Variants in ALK observed in about 807,000 individuals in gnomAD.
ALK encodes ALK tyrosine kinase receptor.
In ALK, 74 loss-of-function variants were observed where a neutral mutation model predicts 163.1. The observed-to-expected ratio is 0.45, with a 90% CI of 0.38 to 0.55. The LOEUF (loss-of-function observed/expected upper bound fraction) is 0.55. Ranked by LOEUF, ALK falls within the 20% of genes least tolerant of loss-of-function variation. The probability of loss-of-function intolerance (pLI) is 0.00; values close to 1 mark genes in which losing one functional copy is unlikely to be tolerated. For synonymous variants in ALK, 960 were observed against 843.2 expected, an observed-to-expected ratio of 1.14 and a Z score of -2.40; for missense variants, 2,063 against 2,105.3, an observed-to-expected ratio of 0.98 and a Z score of 0.39.
At chr2:29,308,835 G>C (rs900472912) in intron 8 of ALK, among the ~76,000 whole-genome samples, 1 of 151,726 alleles carries the variant, frequency 6.6e-6, no homozygotes, top group African/African-American at 2.4e-5. Context: ...CTTTGTTAGA[G>C]ATAAACAGTT....
chr2:29,297,393 A>G (rs1666224309), intron 8 of ALK, among the ~76,000 whole-genome samples: 3 of 152,234 alleles, frequency 2.0e-5, no homozygotes, highest in African/African-American at 7.2e-5. Flanking sequence ...GTAGTAAATG[A>G]ACTTCCTAAA....
chr2:29,702,388 A>G (rs886388628), intron 2 of ALK, among the ~76,000 whole-genome samples: 11 of 152,222 alleles, frequency 7.2e-5, no homozygotes, highest in African/African-American at 2.4e-4. Flanking sequence ...GGGGCAGGAC[A>G]GGAGCCAGAG....
intron 5 of ALK, among the ~76,000 whole-genome samples, chr2:29,369,420 G>A (rs1391031958): frequency 2.0e-5 from 3 of 152,258 alleles, no homozygotes; most frequent in African/African-American, 7.2e-5. Flanking sequence ...GATCATCAGA[G>A]GATCTTTGCT....
At chr2:29,914,706 A>G (rs1205203250) in intron 1 of ALK, among the ~76,000 whole-genome samples, 14 of 152,228 alleles carry the variant, frequency 9.2e-5, no homozygotes. Flanking sequence ...GAATTTTTCC[A>G]AGCCCTGGCT....
chr2:29,423,365 A>T (rs1670064257), intron 4 of ALK, among the ~76,000 whole-genome samples: 1 of 152,224 alleles, frequency 6.6e-6, no homozygotes, highest in Non-Finnish European at 1.5e-5. Context: ...TTTCCACCAC[A>T]TTGCATTGAC....
chr2:29,594,965 A>C (rs1675168250), intron 3 of ALK, among the ~76,000 whole-genome samples: 1 of 151,650 alleles, frequency 6.6e-6, no homozygotes, highest in South Asian at 2.1e-4. Context: ...AAAAGGAAGG[A>C]ACAGAAGGAA....
intron 4 of ALK, among the ~76,000 whole-genome samples, chr2:29,524,258 T>G (rs1324133828): frequency 6.6e-6 from 1 of 152,186 alleles, no homozygotes; most frequent in Non-Finnish European, 1.5e-5. Context: ...TAAAAAGGTG[T>G]GCAACCCAAA....
chr2:29,277,485 A>G (rs1665577877), intron 9 of ALK, among the ~76,000 whole-genome samples: 1 of 152,266 alleles, frequency 6.6e-6, no homozygotes, highest in Non-Finnish European at 1.5e-5. Context: ...GCTTTCAACC[A>G]TCTTGTGAGA....
intron 26 of ALK, among the ~76,000 whole-genome samples, chr2:29,201,797 AAT>A (rs1669187907): frequency 6.6e-6 from 1 of 151,054 alleles, no homozygotes; most frequent in South Asian, 2.1e-4. Context: ...AAAAAAAAAA[AAT>A]CTTGAATCTG....
chr2:29,500,840 C>CA lies in ALK; in HGVS notation c.1154+31074dup, dbSNP rs1261902045. ...AGGCTTTCTGGGATCCTTGCATACACAGGGGCTCTGGTCTCAGCTGGATCT... is the reference window on the plus strand; with the variant it reads ...AGGCTTTCTGGGATCCTTGCATACACAAGGGGCTCTGGTCTCAGCTGGATCT... On this transcript the variant is annotated intron_variant, in intron 4 of 28. Transcript: ENST00000389048. Among the ~76,000 whole-genome samples the CA allele has an allele frequency of 2.6e-5, 4 of 152,312 alleles. No individual in the cohort carries two copies. In the East Asian group the frequency reaches 7.7e-4, roughly 29 times the overall value.
chr2:29,670,052 G>A lies in ALK; in HGVS notation c.952+24798C>T, dbSNP rs576400531. 1.3e-3 allele frequency among the ~76,000 whole-genome samples: 194 copies of A among 152,092 alleles called. 1 individual carries two copies. Among genetic ancestry groups the A allele is most frequent in the Non-Finnish European group, 1.9e-3 (126 of 67,954 alleles). ...TATTAGAGTTATAAGTGAATTGCAC[G>A]CCATAATTACAATACAGTATTATGG... On this transcript the variant is annotated intron_variant, in intron 3 of 28. Transcript: ENST00000389048.
chr2:29,836,332 T>C (rs182310364), intron 1 of ALK, among the ~76,000 whole-genome samples: 226 of 152,308 alleles, frequency 1.5e-3, no homozygotes, highest in African/African-American at 5.2e-3. Flanking sequence ...AACTACCTCT[T>C]GCTCATACTA....
At chr2:29,266,501 T>G (rs1370324173) in intron 11 of ALK, among the ~76,000 whole-genome samples, 1 of 152,264 alleles carries the variant, frequency 6.6e-6, no homozygotes, top group Admixed American at 6.5e-5. Flanking sequence ...ATAATAATGT[T>G]AATTACAATG....
At chr2:29,873,111 T>C (rs1175226902) in intron 1 of ALK, among the ~76,000 whole-genome samples, 1 of 152,216 alleles carries the variant, frequency 6.6e-6, no homozygotes, top group African/African-American at 2.4e-5. Context: ...ACTGGTGGTA[T>C]CCACCCTGGG....
chr2:29,204,986 C>A (rs908635095), intron 26 of ALK, among the ~76,000 whole-genome samples: 9 of 152,122 alleles, frequency 5.9e-5, no homozygotes, highest in East Asian at 1.9e-4. Flanking sequence ...CCCCTCTGAC[C>A]CAGCCCTGTA....
chr2:29,480,572 A>G (rs11680438), intron 4 of ALK, among the ~76,000 whole-genome samples: 10,690 of 152,000 alleles, frequency 0.07, 522 homozygotes, highest in Non-Finnish European at 0.11. Flanking sequence ...TCTGCTTTTT[A>G]TTGCCCCGTT....
intron 26 of ALK, among the ~76,000 whole-genome samples, chr2:29,205,340 G>A (rs1669284405): frequency 6.6e-6 from 1 of 152,174 alleles, no homozygotes; most frequent in Non-Finnish European, 1.5e-5. Context: ...AGAAAGTTCT[G>A]TGTAACACAT....
At chr2:29,766,030 C>CTA (rs1420827020) in intron 1 of ALK, among the ~76,000 whole-genome samples, 1 of 152,182 alleles carries the variant, frequency 6.6e-6, no homozygotes, top group East Asian at 1.9e-4. Flanking sequence ...GTAACACACT[C>CTA]TTTAAAGTCT....
chr2:29,261,886 C>T (rs925540442), intron 11 of ALK, among the ~76,000 whole-genome samples: 12 of 152,116 alleles, frequency 7.9e-5, no homozygotes, highest in African/African-American at 2.9e-4. Context: ...GGCTAAGGGG[C>T]AGTTAACTGC....
Sources: gnomAD v4.1 joint callset for allele counts (sites outside exome capture counted in the v4.1 genomes callset) on GRCh38, gnomAD v4.1.1 for gene constraint, MANE v1.5 for transcripts, NCBI Gene and HGNC (gene_info 2026-07-23, HGNC 2026-07-21) for gene names.